The following MACF1 variants were observed in gnomAD, a reference collection of about 807,000 sequenced individuals.
MACF1 encodes the protein microtubule actin crosslinking factor 1.
In MACF1, 193 loss-of-function variants were observed where a neutral mutation model predicts 854.8. The ratio of observed to expected loss-of-function variants is 0.23; its 90% confidence interval spans 0.20 to 0.25. MACF1 has a LOEUF of 0.25. Ranked by LOEUF, MACF1 falls within the 10% of genes least tolerant of loss-of-function variation. MACF1 has a pLI of 1.00. For missense variants in MACF1, 7,722 were observed against 8,929.1 expected (o/e 0.86, Z 5.45); for synonymous variants, 3,185 against 3,226.7 (o/e 0.99, Z 0.44).
intron 52 of MACF1, among the ~76,000 whole-genome samples, chr1:39,377,849 C>G (rs1217201194): frequency 2.0e-5 from 3 of 151,874 alleles, no homozygotes; most frequent in Non-Finnish European, 4.4e-5. Flanking sequence ...ACTAAAAATA[C>G]AAAAATTAGC....
chr1:39,306,139 A>G (rs1646169370), intron 23 of MACF1, among the ~76,000 whole-genome samples: 1 of 150,766 alleles, frequency 6.6e-6, no homozygotes, highest in South Asian at 2.1e-4. Flanking sequence ...TGAATAAATT[A>G]TTTTATTTAC....
At chr1:39,194,059 C>G (rs2148251741) in intron 2 of MACF1, among the ~76,000 whole-genome samples, 1 of 152,254 alleles carries the variant, frequency 6.6e-6, no homozygotes, top group Non-Finnish European at 1.5e-5. Context: ...TCTCGAACTC[C>G]TGACCTCAGG....
chr1:39,417,548 GT>G (rs1414565341), intron 58 of MACF1, among the ~76,000 whole-genome samples: 1 of 149,224 alleles, frequency 6.7e-6, no homozygotes, highest in Non-Finnish European at 1.5e-5. Flanking sequence ...ACAAAAAAAA[GT>G]TTTTGTTTTT....
At chr1:39,133,197 G>A (rs1643054365) in intron 2 of MACF1, among the ~76,000 whole-genome samples, 1 of 152,186 alleles carries the variant, frequency 6.6e-6, no homozygotes, top group Non-Finnish European at 1.5e-5. Flanking sequence ...CGACTTGGCT[G>A]CTTCCACCCT....
Position 39,445,062 on chromosome 1 carries a change from C to T in MACF1, c.19605+227C>T, listed in dbSNP as rs141750106. On this transcript the variant is annotated intron_variant, in intron 80 of 100. Coordinates refer to ENST00000564288, the MANE Select transcript of MACF1 (RefSeq NM_001394062.1). ...TAAGACATTACTGCCATTATCGCTT[C>T]GTGATGGGCTTTATGTCCTATATTA... is the stretch of plus-strand genomic sequence containing the variant. 1.1e-3 allele frequency among the ~76,000 whole-genome samples: 164 copies of T among 152,312 alleles called. 2 individuals carry two copies. The South Asian group carries it at 0.024, about 22-fold the overall frequency.
chr1:39,385,899 C>T lies in MACF1; in HGVS notation c.14314C>T (p.Leu4772=), dbSNP rs202080967. 2.5e-6 allele frequency: 4 copies of T among 1,612,814 alleles called. No homozygotes were observed. The highest frequency in any genetic ancestry group is 2.7e-5 in the African/African-American group (2 of 75,016). Residue 4772 remains leucine, a synonymous_variant, in exon 57 of 101, where the codon CTG becomes TTG. Transcript: ENST00000564288. ...GAAGAAGCGTTTGGAGACAGTTGCCCTGCCTCTCCAAGGTTTAGAAGACCT... is the reference window on the plus strand; with the variant it reads ...GAAGAAGCGTTTGGAGACAGTTGCCTTGCCTCTCCAAGGTTTAGAAGACCT... The part of the protein sequence containing the change: ...ELKKRLETVA[L]PLQGLEDLAA...
chr1:39,146,446 T>G (rs1571098797), intron 2 of MACF1, among the ~76,000 whole-genome samples: 1 of 133,246 alleles, frequency 7.5e-6, no homozygotes, highest in African/African-American at 2.8e-5. Context: ...CTGTCTCCTC[T>G]CCCAAAAAAA....
chr1:39,330,145 C>T (rs1646692336), intron 36 of MACF1, among the ~76,000 whole-genome samples: 1 of 152,172 alleles, frequency 6.6e-6, no homozygotes, highest in Non-Finnish European at 1.5e-5. Context: ...TATTGTACTA[C>T]CCATTCTAGC....
At chr1:39,230,152 A>G (rs1644761630) in intron 1 of MACF1, among the ~76,000 whole-genome samples, 1 of 152,182 alleles carries the variant, frequency 6.6e-6, no homozygotes, top group Non-Finnish European at 1.5e-5. Context: ...AGAGACTGAT[A>G]ATGGTAAGTG....
chr1:39,223,448 T>C (rs1644677233), intron 1 of MACF1, among the ~76,000 whole-genome samples: 1 of 152,196 alleles, frequency 6.6e-6, no homozygotes, highest in Admixed American at 6.5e-5. Context: ...TACAGAGTTG[T>C]TGAGCATTAG....
chr1:39,161,431 C>T (rs1325368777), intron 2 of MACF1, among the ~76,000 whole-genome samples: 1 of 152,074 alleles, frequency 6.6e-6, no homozygotes, highest in Non-Finnish European at 1.5e-5. Flanking sequence ...TGGCCAGGTG[C>T]AGTGTCTCAT....
chr1:39,396,250 G>C (rs889241483), intron 58 of MACF1, among the ~76,000 whole-genome samples: 1 of 151,468 alleles, frequency 6.6e-6, no homozygotes, highest in South Asian at 2.1e-4. Flanking sequence ...AACCCAGGAG[G>C]TGGAGGTTGC....
At chr1:39,373,393 TGGTA>T (rs1649422560) in intron 52 of MACF1, 1 of 143,236 alleles carries the variant, frequency 7.0e-6, no homozygotes, top group African/African-American at 2.7e-5. Flanking sequence ...AGCTTGAACC[TGGTA>T]GGTGGAGGTT....
intron 2 of MACF1, among the ~76,000 whole-genome samples, chr1:39,244,060 CCT>C (rs1364314121): frequency 6.6e-6 from 1 of 152,012 alleles, no homozygotes; most frequent in East Asian, 1.9e-4. Context: ...TCTCCCATTA[CCT>C]CTCTCTGTAT....
At chr1:39,232,680 G>A (rs1412412031) in intron 2 of MACF1, among the ~76,000 whole-genome samples, 4 of 151,336 alleles carry the variant, frequency 2.6e-5, no homozygotes, top group Non-Finnish European at 5.9e-5. Flanking sequence ...AGAATCTGAT[G>A]TCTAGATGCA....
intron 2 of MACF1, among the ~76,000 whole-genome samples, chr1:39,093,017 C>T (rs932610383): frequency 6.6e-6 from 1 of 152,086 alleles, no homozygotes; most frequent in Non-Finnish European, 1.5e-5. Context: ...AACTCCTGAC[C>T]TCATGATCCA....
At chr1:39,244,169 A>G (rs1268902371) in intron 2 of MACF1, among the ~76,000 whole-genome samples, 3 of 151,980 alleles carry the variant, frequency 2.0e-5, no homozygotes, top group Non-Finnish European at 4.4e-5. Context: ...CAGTGGCACA[A>G]TCTCGGCTCA....
At chr1:39,238,228 G>A (rs1377582988) in intron 2 of MACF1, among the ~76,000 whole-genome samples, 1 of 152,202 alleles carries the variant, frequency 6.6e-6, no homozygotes, top group Non-Finnish European at 1.5e-5. Context: ...GATGAGAAAT[G>A]AAGGTAGCAG....
chr1:39,157,555 A>G (rs552373218), intron 2 of MACF1, among the ~76,000 whole-genome samples: 1 of 152,314 alleles, frequency 6.6e-6, no homozygotes, highest in Non-Finnish European at 1.5e-5. Flanking sequence ...ATCTGACTCA[A>G]TTGACAGCTC....
Sources: allele counts gnomAD v4.1 joint callset (sites outside exome capture counted in the v4.1 genomes callset), GRCh38; gene constraint gnomAD v4.1.1; transcripts MANE v1.5; gene names NCBI Gene and HGNC (gene_info 2026-07-23, HGNC 2026-07-21).